Variants in MAPK10 observed in about 807,000 individuals in gnomAD.
MAPK10 encodes the protein JNK3 alpha protein kinase.
MAPK10 carries 25 observed loss-of-function variants against 59.3 expected under a neutral mutation model. The ratio of observed to expected loss-of-function variants is 0.42; its 90% CI spans 0.31 to 0.59. The LOEUF (loss-of-function observed/expected upper bound fraction) is 0.59. Ranked by LOEUF, MAPK10 falls within the 20% of genes least tolerant of loss-of-function variation. MAPK10 has a pLI of 0.15. For missense variants in MAPK10, 351 were observed against 568.9 expected (o/e 0.62, Z 3.90); for synonymous variants, 190 against 200.5 (o/e 0.95, Z 0.44).
At chr4:86,440,488 A>G (rs1193263972) in intron 1 of MAPK10, among the ~76,000 whole-genome samples, 1 of 152,028 alleles carries the variant, frequency 6.6e-6, no homozygotes, top group Non-Finnish European at 1.5e-5. Context: ...AAAATTAGCC[A>G]GGCATGGTGG....
chr4:86,200,026 A>G (rs1469613179), intron 2 of MAPK10, among the ~76,000 whole-genome samples: 1 of 152,054 alleles, frequency 6.6e-6, no homozygotes, highest in Non-Finnish European at 1.5e-5. Flanking sequence ...AAAAATACTA[A>G]CTATAATCAG....
chr4:86,508,784 A>G (rs1372563309), intron 1 of MAPK10, among the ~76,000 whole-genome samples: 1 of 152,208 alleles, frequency 6.6e-6, no homozygotes, highest in African/African-American at 2.4e-5. Flanking sequence ...CCACCAGTGT[A>G]AACTTCCTGA....
Position 86,285,211 on chromosome 4 carries a change from T to C in MAPK10, c.-7+69319A>G, listed in dbSNP as rs537440798. ...ACCATTCTTCAGCAAAATTTATGTA[T>C]TCTAAATGACACTTTTTTTTTTTTG... On this transcript the variant is annotated intron_variant, in intron 2 of 13. Coordinates refer to ENST00000641462, the MANE Select transcript of MAPK10 (RefSeq NM_138982.4). 8.0e-4 allele frequency among the ~76,000 whole-genome samples: 122 copies of C among 152,178 alleles called. 1 individual carries two copies. Among genetic ancestry groups the C allele is most frequent in the Non-Finnish European group, 1.4e-3 (94 of 68,016 alleles).
At chr4:86,290,639 G>A (rs544740489) in intron 2 of MAPK10, among the ~76,000 whole-genome samples, 2 of 152,008 alleles carry the variant, frequency 1.3e-5, no homozygotes, top group Non-Finnish European at 2.9e-5. Context: ...TCTTTTATTT[G>A]TTGTGACTTT....
At chr4:86,149,548 C>T (rs569189859) in intron 4 of MAPK10, among the ~76,000 whole-genome samples, 4 of 152,206 alleles carry the variant, frequency 2.6e-5, no homozygotes, top group East Asian at 3.9e-4. Context: ...ATTACAGGCA[C>T]GAGTCACCGC....
At chr4:86,536,785 A>G (rs1758274852) in intron 1 of MAPK10, among the ~76,000 whole-genome samples, 1 of 152,250 alleles carries the variant, frequency 6.6e-6, no homozygotes, top group South Asian at 2.1e-4. Flanking sequence ...CCGCATTCCC[A>G]TAGATTAAAA....
intron 1 of MAPK10, among the ~76,000 whole-genome samples, chr4:86,422,287 A>T (rs1387135615): frequency 6.6e-6 from 1 of 152,220 alleles, no homozygotes; most frequent in Non-Finnish European, 1.5e-5. Flanking sequence ...TGGATGAATG[A>T]ATGAATGAAG....
intron 1 of MAPK10, among the ~76,000 whole-genome samples, chr4:86,538,590 A>G (rs1475613280): frequency 9.9e-5 from 15 of 152,244 alleles, no homozygotes; most frequent in Non-Finnish European, 1.3e-4. Flanking sequence ...AAGGTTTTAC[A>G]TAGAACCTTT....
intron 4 of MAPK10, among the ~76,000 whole-genome samples, chr4:86,113,999 C>T (rs1312196852): frequency 1.3e-5 from 2 of 152,114 alleles, no homozygotes; most frequent in East Asian, 3.9e-4. Flanking sequence ...TCTACTTGGT[C>T]TATTTGGCTA....
chr4:86,057,318 A>G lies in MAPK10; in HGVS notation c.1110+6948T>C, dbSNP rs189997775. Among the ~76,000 whole-genome samples, 731 of 150,298 alleles carry G rather than the reference A, an allele frequency of 4.9e-3. 41 individuals are homozygous for G. Among genetic ancestry groups the G allele is most frequent in the Non-Finnish European group, 4.7e-3 (318 of 67,634 alleles). ...AGTGGATAAGCATAACTTGTTAATT[A>G]TGATTCAAAGCAGTTGATGCACATC... On this transcript the variant is annotated intron_variant, in intron 11 of 13. Coordinates refer to ENST00000641462, the MANE Select transcript of MAPK10 (RefSeq NM_138982.4).
At chr4:86,067,034 A>G (rs1236406153) in intron 10 of MAPK10, among the ~76,000 whole-genome samples, 1 of 152,220 alleles carries the variant, frequency 6.6e-6, no homozygotes, top group East Asian at 1.9e-4. Flanking sequence ...ATTAAATTCA[A>G]TAATCAAATA....
intron 6 of MAPK10, 152 bp from the exon 7 acceptor site, chr4:86,102,184 T>C (rs1218999621): frequency 1.0e-5 from 7 of 673,848 alleles, no homozygotes; most frequent in Non-Finnish European, 1.0e-5. Context: ...AGGTATTGCA[T>C]GTGTGTTAGC....
chr4:86,126,962 T>G (rs1329839749), intron 4 of MAPK10, among the ~76,000 whole-genome samples: 1 of 152,002 alleles, frequency 6.6e-6, no homozygotes, highest in Non-Finnish European at 1.5e-5. Context: ...TCCATCACCA[T>G]GTGTTACACT....
At chr4:86,437,811 T>G (rs986477107) in intron 1 of MAPK10, among the ~76,000 whole-genome samples, 1 of 152,182 alleles carries the variant, frequency 6.6e-6, no homozygotes, top group African/African-American at 2.4e-5. Context: ...CAGCATTAAC[T>G]GTACAGCACA....
At chr4:86,325,763 G>T (rs745957721) in intron 2 of MAPK10, 1 of 152,066 alleles carries the variant, frequency 6.6e-6, no homozygotes, top group Non-Finnish European at 1.5e-5. Flanking sequence ...ATGCTAAAAT[G>T]ACTTATAATA....
chr4:86,166,587 C>G (rs2071808394), intron 3 of MAPK10, among the ~76,000 whole-genome samples: 3 of 152,128 alleles, frequency 2.0e-5, no homozygotes, highest in Admixed American at 1.3e-4. Context: ...CACTATGATA[C>G]TCCTATAAAA....
chr4:86,073,230 G>C (rs1471652451), intron 9 of MAPK10, among the ~76,000 whole-genome samples: 6 of 135,300 alleles, frequency 4.4e-5, no homozygotes, highest in Non-Finnish European at 8.1e-5. Flanking sequence ...CTGTGGGATC[G>C]GTGGTGATAT....
rs1447562487 is a variant in MAPK10 at position 86,592,123 on chromosome 4, C to A, written c.-263+1787G>T. 2.0e-5 allele frequency among the ~76,000 whole-genome samples: 3 copies of A among 152,004 alleles called. No individual in the cohort carries two copies. In the East Asian group the frequency reaches 5.8e-4, roughly 29 times the overall value. On this transcript the variant is annotated intron_variant, in intron 1 of 4. Transcript: ENST00000502302. The stretch of plus-strand genomic sequence containing the variant: ...TTCTGTTATTGAACTATTGCCATAA[C>A]TATACACATGAAATAATTTCTCTTA...
chr4:86,302,481 G>A (rs1211823629), intron 2 of MAPK10, among the ~76,000 whole-genome samples: 1 of 152,120 alleles, frequency 6.6e-6, no homozygotes, highest in African/African-American at 2.4e-5. Flanking sequence ...AAGCGACTCT[G>A]GACTGACAGA....
Sources: gnomAD v4.1 joint callset for allele counts (sites outside exome capture counted in the v4.1 genomes callset) on GRCh38, gnomAD v4.1.1 for gene constraint, MANE v1.5 for transcripts, NCBI Gene and HGNC (gene_info 2026-07-23, HGNC 2026-07-21) for gene names.